Variants in INPP5B observed in about 807,000 individuals in gnomAD.
INPP5B encodes inositol polyphosphate-5-phosphatase B.
In INPP5B, 90 loss-of-function variants were observed where a neutral mutation model predicts 118.5. That is an observed-to-expected ratio of 0.76 (90% CI 0.64 to 0.90). INPP5B has a LOEUF of 0.90. Among genes scored for constraint, INPP5B ranks in the 40% least tolerant of loss-of-function variants. INPP5B has a pLI of 0.00. For missense variants in INPP5B, 984 were observed against 1,125.6 expected (o/e 0.87, Z 1.80); for synonymous variants, 385 against 418.9 (o/e 0.92, Z 0.99).
intron 7 of INPP5B, among the ~76,000 whole-genome samples, chr1:37,897,974 A>G (rs1386919222): frequency 6.6e-6 from 1 of 152,132 alleles, no homozygotes; most frequent in Non-Finnish European, 1.5e-5. Context: ...TGTACACATA[A>G]AAACCTGCAC....
rs1427344681 is a variant in INPP5B at position 37,941,958 on chromosome 1, A to AAAATATATATATAT, written c.281-1161_281-1160insATATATATATATTT. On this transcript the variant is annotated intron_variant, in intron 5 of 23. Coordinates refer to ENST00000373024, the MANE Select transcript of INPP5B (RefSeq NM_005540.3). ...GTCTCAAAAAAAAAAAAAAAAAAAA[A>AAAATATATATATAT]ATATATATATATATATAAAATAAAA... 74 of 30,330 alleles carry AAAATATATATATAT rather than the reference A, an allele frequency of 2.4e-3. 1 individual carries two copies. The highest frequency in any genetic ancestry group is 0.01 in the African/African-American group (68 of 6,600). 1.9% of individuals were successfully genotyped at this position (30,330 alleles called of 1,614,324 possible).
At position 37,946,243 on chromosome 1, in the gene INPP5B, G is replaced by A. The variant is rs1211179900; in HGVS notation, c.57+9C>T. On this transcript the variant is annotated intron_variant, in intron 2 of 23. Coordinates refer to ENST00000373024, the MANE Select transcript of INPP5B (RefSeq NM_005540.3). ...AGGCTCAGGGCCGCAGTTAGCACAG[G>A]AAGGATATGATGACGCAGTATTCCC... The A allele has an allele frequency of 6.2e-7, 1 of 1,608,854 alleles. No homozygotes were observed. The highest frequency in any genetic ancestry group is 1.1e-5 in the South Asian group (1 of 89,774).
intron 7 of INPP5B, among the ~76,000 whole-genome samples, chr1:37,927,015 G>A (rs908339943): frequency 9.9e-5 from 15 of 152,156 alleles, no homozygotes; most frequent in Non-Finnish European, 2.9e-5. Flanking sequence ...GAGGCCAGGC[G>A]CGGTGGCTCA....
At chr1:37,871,033 T>C (rs1014915030) in intron 19 of INPP5B, among the ~76,000 whole-genome samples, 2 of 151,072 alleles carry the variant, frequency 1.3e-5, no homozygotes, top group Admixed American at 6.6e-5. Flanking sequence ...GGCATGCACT[T>C]GTAGTCCCAG....
intron 7 of INPP5B, among the ~76,000 whole-genome samples, chr1:37,918,889 C>A (rs1385988319): frequency 6.6e-6 from 1 of 152,172 alleles, no homozygotes; most frequent in Non-Finnish European, 1.5e-5. Context: ...ATGATGACTA[C>A]CATTTATCAA....
At chr1:37,878,925 C>T (rs1415351505) in intron 15 of INPP5B, among the ~76,000 whole-genome samples, 1 of 147,020 alleles carries the variant, frequency 6.8e-6, no homozygotes, top group African/African-American at 2.5e-5. Context: ...GCTGGGATTA[C>T]AGGCGTGAGC....
rs915318706 is a variant in INPP5B at position 37,943,674 on chromosome 1, G to T, written c.251-5C>A. 2.7e-5 allele frequency: 44 copies of T among 1,613,894 alleles called. No homozygotes were observed. The highest frequency in any genetic ancestry group is 3.4e-5 in the Non-Finnish European group (40 of 1,179,980). ...AGAGTTCACCATCTGGGGACACTGT[G>T]GGGAGGGAAATGAGAATGCCCTTAG... On this transcript the variant is annotated splice_region_variant and splice_polypyrimidine_tract_variant and intron_variant, in intron 4 of 23. Transcript: ENST00000373024.
chr1:37,875,564 G>A (rs370747244), intron 17 of INPP5B, 42 bp downstream of exon 17: 1,254 of 1,508,512 alleles, frequency 8.3e-4, no homozygotes, highest in Non-Finnish European at 1.0e-3. Context: ...CACTGCACCC[G>A]GCCTGAGCCC....
rs1236945755 is a variant in INPP5B at position 37,896,390 on chromosome 1, C to T, written c.533-4936G>A. 6.0e-5 allele frequency among the ~76,000 whole-genome samples: 9 copies of T among 150,176 alleles called. No homozygotes were observed. The South Asian group carries it at 1.5e-3, about 25-fold the overall frequency. The stretch of plus-strand genomic sequence containing the variant: ...CCGTCTGAGAAGTGAGGAGCGTCTC[C>T]GCCCGGCAGCCACCTCGTCCGGGAG... On this transcript the variant is annotated intron_variant, in intron 7 of 23. Coordinates refer to ENST00000373024, the MANE Select transcript of INPP5B (RefSeq NM_005540.3).
At position 37,866,466 on chromosome 1, in the gene INPP5B, A is replaced by C. The variant is rs1290666038; in HGVS notation, c.2379T>G (p.Asp793Glu). Reference protein sequence around the residue: ...IRDCLDTGMIDNLSASNHSVA... With the variant: ...IRDCLDTGMIENLSASNHSVA... ...TGAATGTCTGAAGGATACAGAGGTT[A>C]TCAATCATTCCAGTATCCAAGCAGT... The change falls in exon 21 of 24, where the codon GAT becomes GAG. Residue 793 changes from aspartate to glutamate, a missense_variant. Physicochemically the swap from Asp to Glu is conservative, Grantham distance 45. Transcript: ENST00000373024. The C allele has an allele frequency of 1.9e-6, 3 of 1,568,096 alleles. No individual in the cohort carries two copies. The Admixed American group carries it at 5.1e-5, about 26-fold the overall frequency.
chr1:37,925,718 T>G (rs2148647006), intron 7 of INPP5B, among the ~76,000 whole-genome samples: 1 of 152,318 alleles, frequency 6.6e-6, no homozygotes, highest in South Asian at 2.1e-4. Context: ...TCACCTCACT[T>G]GCTCTCAACA....
intron 23 of INPP5B, 21 bp downstream of exon 23, chr1:37,864,291 C>T (rs1343382912): frequency 3.7e-5 from 51 of 1,360,096 alleles, no homozygotes; most frequent in Middle Eastern, 1.8e-4. Context: ...AAATGCTTTC[C>T]ATAGACATTT....
intron 14 of INPP5B, among the ~76,000 whole-genome samples, chr1:37,881,860 G>C (rs534325358): frequency 6.6e-6 from 1 of 152,190 alleles, no homozygotes; most frequent in Admixed American, 6.5e-5. Flanking sequence ...AGTGCTTTGG[G>C]AGGCTGAGGT....
chr1:37,929,761 T>A (rs1645378602), intron 7 of INPP5B: 1 of 151,396 alleles, frequency 6.6e-6, no homozygotes, highest in Non-Finnish European at 1.5e-5. Context: ...CGAGATGGAG[T>A]CTTGCTCCGT....
intron 7 of INPP5B, among the ~76,000 whole-genome samples, chr1:37,896,127 C>A (rs1443820669): frequency 2.6e-5 from 4 of 151,652 alleles, no homozygotes; most frequent in African/African-American, 9.7e-5. Context: ...TGCCCGGCCG[C>A]CCATCGTCTG....
At position 37,865,880 on chromosome 1, in the gene INPP5B, T is replaced by G; in HGVS notation, c.2395A>C (p.Asn799His). Reference protein sequence around the residue: ...TGMIDNLSASNHSVAEALLLF... With the variant: ...TGMIDNLSASHHSVAEALLLF... ...AGCAGGGCTTCGGCTACAGAATGATTGCTGGCAGCTTTTGGCCCCATTGTT... is the reference window on the plus strand; with the variant it reads ...AGCAGGGCTTCGGCTACAGAATGATGGCTGGCAGCTTTTGGCCCCATTGTT... Residue 799 changes from asparagine (N) to histidine (H), a missense_variant, in exon 22 of 24, where the codon AAT (asparagine) becomes CAT (histidine). Physicochemically the swap from Asn to His is moderately conservative, Grantham distance 68. Transcript: ENST00000373024. 6.2e-7 allele frequency: 1 copy of G among 1,613,174 alleles called. No homozygotes were observed.
chr1:37,905,470 T>A (rs150559647), intron 7 of INPP5B, among the ~76,000 whole-genome samples: 30 of 152,376 alleles, frequency 2.0e-4, no homozygotes, highest in Middle Eastern at 3.4e-3. Flanking sequence ...GGAAAACTCC[T>A]ATAATTCTGT....
At chr1:37,939,194 CAAAA>C (rs34249747) in intron 6 of INPP5B, among the ~76,000 whole-genome samples, 1 of 73,032 alleles carries the variant, frequency 1.4e-5, no homozygotes, top group Non-Finnish European at 2.6e-5. Context: ...AACTCCGTCT[CAAAA>C]AAAAAAAAAA....
At chr1:37,862,736 C>T (rs867679687) in intron 23 of INPP5B, among the ~76,000 whole-genome samples, 3 of 152,182 alleles carry the variant, frequency 2.0e-5, no homozygotes, top group Non-Finnish European at 2.9e-5. Flanking sequence ...ATCAAAAATA[C>T]GGTATTATGA....
Sources: gnomAD v4.1 joint callset for allele counts (sites outside exome capture counted in the v4.1 genomes callset) on GRCh38, gnomAD v4.1.1 for gene constraint, MANE v1.5 for transcripts, NCBI Gene and HGNC (gene_info 2026-07-23, HGNC 2026-07-21) for gene names.